Variants in CFAP54 observed in about 807,000 individuals in gnomAD.
The protein encoded by CFAP54 is cilia- and flagella-associated protein 54.
Under a neutral mutation model 370.4 loss-of-function variants are expected in CFAP54, and 290 were observed. That is an observed-to-expected ratio of 0.78 (90% CI 0.71 to 0.86). The LOEUF is 0.86. CFAP54 is among the 40% of genes least tolerant of loss of function. The pLI, the probability that CFAP54 is intolerant of heterozygous loss-of-function variation, is 0.00. For synonymous variants in CFAP54, 1,206 were observed against 1,236.5 expected (o/e 0.98, Z 0.52); for missense variants, 3,399 against 3,528.7 (o/e 0.96, Z 0.93).
At chr12:96,530,033 A>G (rs1955424774) in intron 9 of CFAP54, among the ~76,000 whole-genome samples, 1 of 152,244 alleles carries the variant, frequency 6.6e-6, no homozygotes, top group African/African-American at 2.4e-5. Context: ...CAAGATTTAT[A>G]TACTTCTATA....
At chr12:96,854,365 C>T (rs1190517643) in intron 66 of CFAP54, among the ~76,000 whole-genome samples, 2 of 152,088 alleles carry the variant, frequency 1.3e-5, no homozygotes, top group Non-Finnish European at 2.9e-5. Context: ...AGATGTGTAA[C>T]ATTCTCTAAT....
chr12:96,492,682 A>G (rs1269997250), intron 1 of CFAP54, among the ~76,000 whole-genome samples: 1 of 152,226 alleles, frequency 6.6e-6, no homozygotes, highest in African/African-American at 2.4e-5. Context: ...AATATTTAGT[A>G]TTGAAAGGAT....
chr12:96,663,084 C>T (rs984618503), intron 38 of CFAP54, among the ~76,000 whole-genome samples: 3 of 152,018 alleles, frequency 2.0e-5, no homozygotes, highest in African/African-American at 7.3e-5. Context: ...AGTAAAGATC[C>T]GTTTAAGGAA....
chr12:96,552,841 C>T lies in CFAP54; in HGVS notation c.2155-1341C>T, dbSNP rs994474822. On this transcript the variant is annotated intron_variant, in intron 15 of 67. Transcript: ENST00000524981. ...GGGGGGAAACCTGGAACTATATTTC[C>T]AGCATCTCATTTCTGTATAGTTTTA... is the stretch of plus-strand genomic sequence containing the variant. 7.2e-5 allele frequency among the ~76,000 whole-genome samples: 11 copies of T among 152,236 alleles called. No homozygotes were observed. The East Asian group carries it at 2.1e-3, about 29-fold the overall frequency.
intron 67 of CFAP54, among the ~76,000 whole-genome samples, chr12:96,868,930 T>C (rs1198647498): frequency 6.6e-6 from 1 of 152,228 alleles, no homozygotes; most frequent in Non-Finnish European, 1.5e-5. Flanking sequence ...TTGCTGTTAC[T>C]GATCCTGGTA....
intron 49 of CFAP54, among the ~76,000 whole-genome samples, chr12:96,719,346 C>T (rs537259050): frequency 2.6e-5 from 4 of 152,190 alleles, no homozygotes; most frequent in Admixed American, 1.3e-4. Flanking sequence ...TACTGAATTG[C>T]CCTAATATTT....
chr12:96,652,302 G>A (rs10507077), intron 36 of CFAP54, among the ~76,000 whole-genome samples: 29,497 of 152,064 alleles, frequency 0.19, 3,484 homozygotes, highest in South Asian at 0.32. Flanking sequence ...TAACCTAAAC[G>A]CATTGAAAAT....
intron 64 of CFAP54, among the ~76,000 whole-genome samples, chr12:96,816,648 G>A (rs1958977259): frequency 6.6e-6 from 1 of 152,152 alleles, no homozygotes; most frequent in South Asian, 2.1e-4. Context: ...GTTTGTTTTT[G>A]GGATCATTTG....
At chr12:96,771,569 G>A (rs1005885094) in intron 60 of CFAP54, among the ~76,000 whole-genome samples, 5 of 152,036 alleles carry the variant, frequency 3.3e-5, no homozygotes, top group Non-Finnish European at 5.9e-5. Flanking sequence ...GGAGAATGGC[G>A]TGAACCCGGG....
intron 50 of CFAP54, among the ~76,000 whole-genome samples, chr12:96,735,740 G>A (rs1957973368): frequency 3.3e-5 from 5 of 152,240 alleles, no homozygotes; most frequent in African/African-American, 1.2e-4. Flanking sequence ...TATATGTAGG[G>A]AATAAAAATA....
chr12:96,726,109 T>G (rs1957831351), intron 50 of CFAP54, among the ~76,000 whole-genome samples: 1 of 150,410 alleles, frequency 6.6e-6, no homozygotes, highest in Non-Finnish European at 1.5e-5. Context: ...TGCATCAATG[T>G]TCATCAGGGA....
intron 50 of CFAP54, among the ~76,000 whole-genome samples, chr12:96,737,398 G>A (rs1002619139): frequency 6.6e-6 from 1 of 150,468 alleles, no homozygotes; most frequent in Middle Eastern, 3.2e-3. Context: ...AAGATTGTGG[G>A]GAAAAAAAGG....
At chr12:96,771,660 AAAAC>A (rs1363142076) in intron 60 of CFAP54, among the ~76,000 whole-genome samples, 3 of 152,146 alleles carry the variant, frequency 2.0e-5, no homozygotes, top group Non-Finnish European at 2.9e-5. Flanking sequence ...TCAAAAACAA[AAAAC>A]AAACAAACAA....
At position 96,742,547 on chromosome 12, in the gene CFAP54, G is replaced by A. The variant is rs1257307888; in HGVS notation, c.7180G>A (p.Ala2394Thr). The change falls in exon 52 of 68, where the codon GCA (alanine) becomes ACA (threonine). Residue 2394 changes from alanine (A) to threonine (T), a missense_variant. Ala to Thr is a moderately conservative substitution (Grantham distance 58). Transcript: ENST00000524981. ...GAGGTGCCGCTTAGCATTGGTGACT[G>A]CATTTGTTGCACAGATTCATGGCAT... ...WLRCRLALVT[A>T]FVAQIHGIGI... 1.9e-6 allele frequency: 3 copies of A among 1,613,096 alleles called. No individual in the cohort carries two copies. The South Asian group carries it at 3.3e-5, about 18-fold the overall frequency.
At chr12:96,669,552 C>G (rs1282144876) in intron 39 of CFAP54, among the ~76,000 whole-genome samples, 2 of 152,102 alleles carry the variant, frequency 1.3e-5, no homozygotes, top group Non-Finnish European at 2.9e-5. Flanking sequence ...GTCCACAGGA[C>G]TGTGATCCAC....
intron 48 of CFAP54, among the ~76,000 whole-genome samples, chr12:96,715,365 G>A (rs565448523): frequency 6.6e-6 from 1 of 152,262 alleles, no homozygotes; most frequent in Admixed American, 6.5e-5. Flanking sequence ...GATTGACTAG[G>A]TGGGTGACAT....
rs771391881 is a variant in CFAP54, at chr12:96,679,755, A to G, written c.5716+3A>G. 2.7e-5 allele frequency: 44 copies of G among 1,611,794 alleles called. No individual in the cohort carries two copies. The highest frequency in any genetic ancestry group is 3.6e-5 in the Non-Finnish European group (42 of 1,178,912). On this transcript the variant is annotated splice_donor_region_variant and intron_variant, in intron 40 of 67. Coordinates refer to ENST00000524981, the MANE Select transcript of CFAP54 (RefSeq NM_001306084.2). ...ATTATTTCTTGCACAGACACAAGGT[A>G]AAATGCATGTTCTGTATCTCTGAAT...
chr12:96,829,026 CA>C lies in CFAP54; in HGVS notation c.9111del (p.Gln3037HisfsTer6). 1 of 1,508,506 alleles carries C rather than the reference CA, an allele frequency of 6.6e-7. No individual in the cohort carries two copies. The highest frequency in any genetic ancestry group is 8.9e-7 in the Non-Finnish European group (1 of 1,124,056). The allele number at this position is 1,508,506 out of a possible 1,614,324, so 93.4% of individuals were successfully genotyped here. A position where few individuals can be genotyped will look rare whatever the true frequency, so the allele number is the denominator to read the frequency against. ...TTCTTATTTCTAGGACATGATTATT[CA>C]ATGTTGCTCTGAAATAGCATCTCTG... ...VDNEMEDMII[Q>X]CCSEIASLFL... On this transcript the variant is annotated frameshift_variant, in exon 66 of 68. Transcript: ENST00000524981. LOFTEE classifies it high-confidence loss of function.
chr12:96,549,722 G>C (rs1463124283), intron 15 of CFAP54, among the ~76,000 whole-genome samples: 1 of 152,174 alleles, frequency 6.6e-6, no homozygotes, highest in African/African-American at 2.4e-5. Flanking sequence ...CCACTGAGTT[G>C]TTATATAGTT....
Sources: allele counts gnomAD v4.1 joint callset (sites outside exome capture counted in the v4.1 genomes callset), GRCh38; gene constraint gnomAD v4.1.1; transcripts MANE v1.5; gene names NCBI Gene and HGNC (gene_info 2026-07-23, HGNC 2026-07-21).